RBFOX1: variants seen among roughly 807,000 people sequenced by gnomAD.
RBFOX1 encodes RNA binding protein fox-1 homolog 1.
RBFOX1 carries 8 observed loss-of-function variants against 57.7 expected under a neutral mutation model. That is an observed-to-expected ratio of 0.14 (90% confidence interval 0.08 to 0.25). The LOEUF is 0.25. Ranked by LOEUF, RBFOX1 falls within the 10% of genes least tolerant of loss-of-function variation. RBFOX1 has a pLI of 1.00. For missense variants in RBFOX1, 611 were observed against 548.5 expected (o/e 1.11, Z -1.14); for synonymous variants, 326 against 222.4 (o/e 1.47, Z -4.15).
In RBFOX1 at chr16:6,878,948, G is replaced by A. The variant is rs538693018; in HGVS notation, c.-15-173109G>A. Reference sequence around the variant, plus strand: ...ATTTTTTTTCCCCTATGTTAGGGGAGGAAATTAAAACTGAGATAAATAAAA... The same window carrying A: ...ATTTTTTTTCCCCTATGTTAGGGGAAGAAATTAAAACTGAGATAAATAAAA... On this transcript the variant is annotated intron_variant, in intron 3 of 15. Transcript: ENST00000550418. 3.9e-5 allele frequency among the ~76,000 whole-genome samples: 6 copies of A among 152,190 alleles called. 1 individual carries two copies. The South Asian group carries it at 1.0e-3, about 26-fold the overall frequency.
chr16:5,623,591 C>T (rs1030762486), intron 3 of RBFOX1, among the ~76,000 whole-genome samples: 1 of 149,778 alleles, frequency 6.7e-6, no homozygotes, highest in Non-Finnish European at 1.5e-5. Flanking sequence ...CTTAAAGCCT[C>T]TGATAAATTC....
At chr16:7,073,265 G>A (rs1370278833) in intron 4 of RBFOX1, among the ~76,000 whole-genome samples, 2 of 152,144 alleles carry the variant, frequency 1.3e-5, no homozygotes, top group Non-Finnish European at 2.9e-5. Flanking sequence ...TACCTGCAAA[G>A]CCTAAAATTT....
chr16:7,353,191 C>T (rs186857902), intron 4 of RBFOX1, among the ~76,000 whole-genome samples: 4 of 152,028 alleles, frequency 2.6e-5, no homozygotes, highest in African/African-American at 7.2e-5. Flanking sequence ...TCACAAAAAC[C>T]ATACTTTTCG....
intron 3 of RBFOX1, among the ~76,000 whole-genome samples, chr16:7,011,946 C>T (rs1337126033): frequency 6.6e-6 from 1 of 152,172 alleles, no homozygotes; most frequent in Non-Finnish European, 1.5e-5. Context: ...TGGAAATACG[C>T]CCTTCATTAA....
In RBFOX1 at chr16:6,861,389, C is replaced by G. The variant is rs552509908; in HGVS notation, c.-15-190668C>G. ...CTCAATCTACAAGACAAAAGATGGA[C>G]CAGTCAAGCAGTTCCCTAATGTCTT... On this transcript the variant is annotated intron_variant, in intron 3 of 15. Coordinates refer to ENST00000550418, the MANE Select transcript of RBFOX1 (RefSeq NM_018723.4). Among the ~76,000 whole-genome samples the G allele has an allele frequency of 5.3e-5, 8 of 152,154 alleles. No individual in the cohort carries two copies. The South Asian group carries it at 1.0e-3, about 20-fold the overall frequency.
intron 2 of RBFOX1, among the ~76,000 whole-genome samples, chr16:5,500,834 C>T (rs965270387): frequency 5.3e-5 from 8 of 152,180 alleles, no homozygotes; most frequent in South Asian, 2.1e-4. Flanking sequence ...CCTATACTTA[C>T]GAATTGCCTT....
chr16:5,728,946 A>T (rs2052257432), intron 3 of RBFOX1, among the ~76,000 whole-genome samples: 1 of 152,200 alleles, frequency 6.6e-6, no homozygotes, highest in African/African-American at 2.4e-5. Context: ...GATAGTGACA[A>T]ACAGTGACAG....
intron 3 of RBFOX1, among the ~76,000 whole-genome samples, chr16:6,954,263 T>C (rs187016710): frequency 6.6e-6 from 1 of 152,216 alleles, no homozygotes; most frequent in Admixed American, 6.5e-5. Flanking sequence ...TAAATCAGGG[T>C]AGCGATTCTG....
intron 1 of RBFOX1, among the ~76,000 whole-genome samples, chr16:5,329,852 A>T (rs1304704733): frequency 2.0e-5 from 3 of 152,096 alleles, no homozygotes; most frequent in African/African-American, 7.2e-5. Context: ...GTCCAAAAAT[A>T]TTAGCCAGGT....
At chr16:5,762,702 C>G (rs562774751) in intron 3 of RBFOX1, among the ~76,000 whole-genome samples, 20 of 152,154 alleles carry the variant, frequency 1.3e-4, no homozygotes, top group African/African-American at 4.8e-4. Context: ...GGAAAAAAAT[C>G]AAATAATGAT....
rs184464937 is a variant in RBFOX1, at chr16:5,834,875, T to C, written c.319-32428T>C. On this transcript the variant is annotated intron_variant, in intron 3 of 19. Coordinates refer to the RBFOX1 transcript ENST00000641259. ...TTGGGTAGCTATCCAGTGGTGGGAT[T>C]GCTGGACTGAATGGTAGATCTACTT... Among the ~76,000 whole-genome samples the C allele has an allele frequency of 8.9e-4, 135 of 152,224 alleles. 1 individual carries two copies. Among genetic ancestry groups the C allele is most frequent in the African/African-American group, 3.0e-3 (125 of 41,540 alleles).
chr16:6,711,108 C>T (rs2063633243), intron 3 of RBFOX1, among the ~76,000 whole-genome samples: 1 of 152,174 alleles, frequency 6.6e-6, no homozygotes, highest in Admixed American at 6.5e-5. Context: ...TCTCAAATAT[C>T]ATGCGTCTAA....
chr16:5,511,539 C>G (rs529549171), intron 2 of RBFOX1, among the ~76,000 whole-genome samples: 3 of 152,188 alleles, frequency 2.0e-5, no homozygotes, highest in Non-Finnish European at 2.9e-5. Flanking sequence ...TTACTTCCCT[C>G]CTTCCCCTTC....
intron 3 of RBFOX1, among the ~76,000 whole-genome samples, chr16:6,849,764 A>T (rs1236233490): frequency 1.3e-5 from 2 of 152,218 alleles, no homozygotes; most frequent in African/African-American, 2.4e-5. Flanking sequence ...AAGACCCAGT[A>T]CAAATGCCAT....
chr16:6,357,909 A>G (rs2087668637), intron 2 of RBFOX1, among the ~76,000 whole-genome samples: 1 of 151,034 alleles, frequency 6.6e-6, no homozygotes. Flanking sequence ...TTGAGCTGAG[A>G]TCGTGCCACT....
intron 3 of RBFOX1, among the ~76,000 whole-genome samples, chr16:6,766,858 T>C (rs186025187): frequency 1.3e-5 from 2 of 152,076 alleles, no homozygotes; most frequent in Admixed American, 1.3e-4. Context: ...GGAAGCATGT[T>C]CTAAGCTGAT....
At chr16:6,853,139 G>A (rs929897489) in intron 3 of RBFOX1, among the ~76,000 whole-genome samples, 23 of 152,172 alleles carry the variant, frequency 1.5e-4, no homozygotes, top group African/African-American at 5.6e-4. Flanking sequence ...ACTTGGGAAA[G>A]CTGCTTAACT....
At chr16:7,319,416 C>G (rs766198373) in intron 4 of RBFOX1, among the ~76,000 whole-genome samples, 1 of 152,170 alleles carries the variant, frequency 6.6e-6, no homozygotes, top group Non-Finnish European at 1.5e-5. Context: ...GCAAACAATT[C>G]TTGTCTGCCA....
intron 1 of RBFOX1, among the ~76,000 whole-genome samples, chr16:5,400,614 C>T (rs1487632420): frequency 6.6e-6 from 1 of 151,896 alleles, no homozygotes; most frequent in Non-Finnish European, 1.5e-5. Context: ...CATAATATTC[C>T]ATATTATGCC....
Sources: allele counts gnomAD v4.1 joint callset (sites outside exome capture counted in the v4.1 genomes callset), GRCh38; gene constraint gnomAD v4.1.1; transcripts MANE v1.5; gene names NCBI Gene and HGNC (gene_info 2026-07-23, HGNC 2026-07-21).